The following KLHL20 variants were observed in gnomAD, a reference collection of about 807,000 sequenced individuals.
KLHL20 encodes kelch-like protein 20.
A neutral mutation model predicts 69.5 loss-of-function variants in KLHL20; 29 were observed. The observed-to-expected ratio is 0.42, with a 90% CI of 0.31 to 0.57. The LOEUF is 0.57. Ranked by LOEUF, KLHL20 falls within the 20% of genes least tolerant of loss-of-function variation. KLHL20 has a pLI of 0.18. For synonymous variants in KLHL20, 253 were observed against 265.2 expected, an observed-to-expected ratio of 0.95 and a Z score of 0.45; for missense variants, 419 against 776.0, an observed-to-expected ratio of 0.54 and a Z score of 5.47.
chr1:173,763,146 A>G (rs192037546), intron 7 of KLHL20, among the ~76,000 whole-genome samples: 1 of 152,330 alleles, frequency 6.6e-6, no homozygotes, highest in Non-Finnish European at 1.5e-5. Context: ...AAAAAAAATA[A>G]AATACTTAGG....
At chr1:173,745,920 G>A (rs892024205) in intron 3 of KLHL20, among the ~76,000 whole-genome samples, 4 of 151,872 alleles carry the variant, frequency 2.6e-5, no homozygotes, top group Non-Finnish European at 4.4e-5. Context: ...CTGAGACTGC[G>A]CCACTGCACT....
At chr1:173,719,334 T>C (rs1408305717) in intron 2 of KLHL20, among the ~76,000 whole-genome samples, 2 of 151,896 alleles carry the variant, frequency 1.3e-5, no homozygotes, top group African/African-American at 4.8e-5. Context: ...AAGTTCTGGC[T>C]GGGCGCAGTG....
At chr1:173,783,459 T>C (rs1648995794) in intron 11 of KLHL20, among the ~76,000 whole-genome samples, 1 of 152,212 alleles carries the variant, frequency 6.6e-6, no homozygotes, top group Non-Finnish European at 1.5e-5. Context: ...CTTTGGATCC[T>C]ACATATGTCT....
At chr1:173,770,711 A>G (rs1292891045) in intron 8 of KLHL20, among the ~76,000 whole-genome samples, 2 of 152,024 alleles carry the variant, frequency 1.3e-5, no homozygotes, top group African/African-American at 2.4e-5. Context: ...AAAAAAAAAA[A>G]CAAGAGATAC....
intron 5 of KLHL20, 74 bp downstream of exon 5, chr1:173,753,381 G>C: frequency 9.2e-7 from 1 of 1,092,450 alleles, no homozygotes; most frequent in Non-Finnish European, 1.4e-6. Context: ...TATTTGTATT[G>C]CTTCCTAAAT....
chr1:173,763,609 C>G (rs956294458), intron 7 of KLHL20, among the ~76,000 whole-genome samples: 8 of 152,002 alleles, frequency 5.3e-5, no homozygotes, highest in Admixed American at 5.2e-4. Context: ...TGATCTTCAA[C>G]AAAGCAAACA....
At chr1:173,758,809 TC>T (rs376754785) in intron 7 of KLHL20, among the ~76,000 whole-genome samples, 51 of 152,164 alleles carry the variant, frequency 3.4e-4, no homozygotes, top group African/African-American at 1.1e-3. Flanking sequence ...GGGATAAAAC[TC>T]CCCAGGGAGA....
intron 3 of KLHL20, chr1:173,734,509 T>A: frequency 3.9e-6 from 2 of 514,970 alleles, no homozygotes; most frequent in East Asian, 3.5e-5. Flanking sequence ...ACTGTATTCA[T>A]AAAAGTATTT....
At chr1:173,733,212 G>A (rs1365428982) in intron 2 of KLHL20, among the ~76,000 whole-genome samples, 2 of 151,874 alleles carry the variant, frequency 1.3e-5, no homozygotes, top group Non-Finnish European at 2.9e-5. Context: ...AGTAGAGACA[G>A]GGTTTTGCCA....
At chr1:173,721,196 G>T (rs1671698809) in intron 2 of KLHL20, among the ~76,000 whole-genome samples, 1 of 152,010 alleles carries the variant, frequency 6.6e-6, no homozygotes, top group Non-Finnish European at 1.5e-5. Context: ...TTTATTGATA[G>T]TTTTTTACTC....
chr1:173,784,045 C>T (rs1363302867), intron 11 of KLHL20, among the ~76,000 whole-genome samples: 1 of 152,114 alleles, frequency 6.6e-6, no homozygotes, highest in Non-Finnish European at 1.5e-5. Context: ...CACCACTGCA[C>T]TCTAGCCTGA....
At chr1:173,758,963 CGGAT>C (rs1558209912) in intron 7 of KLHL20, among the ~76,000 whole-genome samples, 3 of 152,142 alleles carry the variant, frequency 2.0e-5, no homozygotes, top group Admixed American at 2.0e-4. Context: ...AGCTGGGAGG[CGGAT>C]AGCCTGGGGC....
At chr1:173,772,361 A>G (rs1648150234) in intron 8 of KLHL20, among the ~76,000 whole-genome samples, 1 of 152,230 alleles carries the variant, frequency 6.6e-6, no homozygotes, top group South Asian at 2.1e-4. Context: ...AGATAACATA[A>G]TTTCAGCTTT....
chr1:173,742,733 T>C (rs775621369), intron 3 of KLHL20, among the ~76,000 whole-genome samples: 5 of 150,990 alleles, frequency 3.3e-5, no homozygotes, highest in Non-Finnish European at 7.4e-5. Context: ...TGTATATACA[T>C]GTGTGTATAT....
intron 5 of KLHL20, among the ~76,000 whole-genome samples, 159 bp downstream of exon 5, chr1:173,753,466 AAAG>A (rs1402297028): frequency 2.6e-5 from 4 of 152,232 alleles, no homozygotes; most frequent in Non-Finnish European, 4.4e-5. Flanking sequence ...AAGAGGAGGA[AAAG>A]AAGAAGAGAG....
chr1:173,734,431 G>T, intron 3 of KLHL20, 145 bp downstream of exon 3: 1 of 758,298 alleles, frequency 1.3e-6, no homozygotes, highest in Non-Finnish European at 2.2e-6. Flanking sequence ...TCCTAAACCT[G>T]GCTTTTATTT....
At chr1:173,721,611 G>A (rs147496309) in intron 2 of KLHL20, among the ~76,000 whole-genome samples, 78 of 152,308 alleles carry the variant, frequency 5.1e-4, no homozygotes, top group Non-Finnish European at 4.0e-4. Context: ...TCTTGGTCTC[G>A]ATCACTGGAC....
chr1:173,765,379 T>G (rs1269840330), intron 7 of KLHL20, among the ~76,000 whole-genome samples: 1 of 152,032 alleles, frequency 6.6e-6, no homozygotes, highest in African/African-American at 2.4e-5. Context: ...GGCGGGCGCC[T>G]GTAGTCCCAG....
chr1:173,743,046 T>A (rs1672893211), intron 3 of KLHL20, among the ~76,000 whole-genome samples: 1 of 143,782 alleles, frequency 7.0e-6, no homozygotes, highest in African/African-American at 2.6e-5. Context: ...CATGAGCTCA[T>A]CCAAATTTAA....
Sources: allele counts gnomAD v4.1 joint callset (sites outside exome capture counted in the v4.1 genomes callset), GRCh38; gene constraint gnomAD v4.1.1; transcripts MANE v1.5; gene names NCBI Gene and HGNC (gene_info 2026-07-23, HGNC 2026-07-21).